Variants in PRKCA observed in about 807,000 individuals in gnomAD.
PRKCA encodes the protein protein kinase C alpha type.
PRKCA carries 27 observed loss-of-function variants against 87.0 expected under a neutral mutation model. That is an observed-to-expected ratio of 0.31 (90% CI 0.23 to 0.43). The LOEUF (loss-of-function observed/expected upper bound fraction) is 0.43, where lower values mean the gene tolerates loss of function less well. Among genes scored for constraint, PRKCA ranks in the 20% least tolerant of loss-of-function variants. The probability of loss-of-function intolerance (pLI) is 1.00; values close to 1 mark genes in which losing one functional copy is unlikely to be tolerated. For synonymous variants in PRKCA, 329 were observed against 311.1 expected (o/e 1.06, Z -0.61); for missense variants, 518 against 852.3 (o/e 0.61, Z 4.88).
intron 8 of PRKCA, among the ~76,000 whole-genome samples, chr17:66,731,534 T>G (rs1020389229): frequency 5.3e-5 from 8 of 152,004 alleles, no homozygotes; most frequent in African/African-American, 1.7e-4. Context: ...GCTGGGAGAC[T>G]CAGCCCACTC....
At chr17:66,548,840 G>T (rs983072930) in intron 3 of PRKCA, among the ~76,000 whole-genome samples, 6 of 151,084 alleles carry the variant, frequency 4.0e-5, no homozygotes, top group Non-Finnish European at 8.8e-5. Context: ...CTCTCTCTCT[G>T]TTGCCCAGGC....
chr17:66,696,381 A>T (rs966436251), intron 8 of PRKCA: 1 of 152,196 alleles, frequency 6.6e-6, no homozygotes, highest in Non-Finnish European at 1.5e-5. Flanking sequence ...ATGATCTTGG[A>T]TAAGTTCCTT....
chr17:66,586,522 T>A (rs1456478703), intron 3 of PRKCA, among the ~76,000 whole-genome samples: 1 of 152,134 alleles, frequency 6.6e-6, no homozygotes, highest in Non-Finnish European at 1.5e-5. Context: ...AGCTTCTCCA[T>A]CCTTTCAACC....
intron 2 of PRKCA, among the ~76,000 whole-genome samples, chr17:66,336,907 G>T (rs1279847743): frequency 6.6e-6 from 1 of 151,914 alleles, no homozygotes; most frequent in Admixed American, 6.6e-5. Flanking sequence ...TCCTGCCTCA[G>T]CCTCCCAAGT....
intron 2 of PRKCA, among the ~76,000 whole-genome samples, chr17:66,409,353 T>C (rs1000395637): frequency 6.6e-6 from 1 of 152,178 alleles, no homozygotes; most frequent in African/African-American, 2.4e-5. Flanking sequence ...ACAAGGCAGG[T>C]GACACCTCCT....
At chr17:66,352,987 G>T (rs1038097860) in intron 2 of PRKCA, among the ~76,000 whole-genome samples, 1 of 152,040 alleles carries the variant, frequency 6.6e-6, no homozygotes, top group Admixed American at 6.5e-5. Context: ...GTATTTCTTC[G>T]GTATCTGTTT....
chr17:66,619,688 A>C (rs567782249), intron 3 of PRKCA, among the ~76,000 whole-genome samples: 2 of 152,304 alleles, frequency 1.3e-5, no homozygotes, highest in South Asian at 2.1e-4. Flanking sequence ...AACTATGTGG[A>C]AACCGATCTC....
chr17:66,376,120 A>C (rs926995514), intron 2 of PRKCA, among the ~76,000 whole-genome samples: 1 of 152,186 alleles, frequency 6.6e-6, no homozygotes, highest in Non-Finnish European at 1.5e-5. Flanking sequence ...TGATGGAAAC[A>C]CTGTTTCCTA....
intron 2 of PRKCA, among the ~76,000 whole-genome samples, chr17:66,489,099 A>G (rs1006525930): frequency 1.3e-5 from 2 of 152,094 alleles, no homozygotes; most frequent in Non-Finnish European, 2.9e-5. Flanking sequence ...GTATTTAAAA[A>G]AAAGAATTCA....
At chr17:66,489,139 A>G (rs1916108303) in intron 2 of PRKCA, among the ~76,000 whole-genome samples, 2 of 151,984 alleles carry the variant, frequency 1.3e-5, no homozygotes, top group South Asian at 4.1e-4. Flanking sequence ...CTTCTCTTCT[A>G]AGCAAAGTCT....
intron 13 of PRKCA, among the ~76,000 whole-genome samples, chr17:66,745,259 G>T (rs778019027): frequency 6.6e-6 from 1 of 152,134 alleles, no homozygotes; most frequent in Non-Finnish European, 1.5e-5. Context: ...CATACACAGA[G>T]AATACTCTGT....
At chr17:66,577,572 A>G (rs755302506) in intron 3 of PRKCA, among the ~76,000 whole-genome samples, 10 of 152,188 alleles carry the variant, frequency 6.6e-5, no homozygotes, top group Non-Finnish European at 1.5e-4. Context: ...GGCCTGCTTC[A>G]GACCTAGAGC....
chr17:66,352,558 GTTTTTTTTTTTTT>G (rs56317931), intron 2 of PRKCA, among the ~76,000 whole-genome samples: 1 of 83,758 alleles, frequency 1.2e-5, no homozygotes, highest in South Asian at 5.3e-4. Flanking sequence ...GTTTTTTGAG[GTTTTTTTTTTTTT>G]TTTTTTTTTT....
intron 2 of PRKCA, among the ~76,000 whole-genome samples, chr17:66,407,692 A>T (rs1477961508): frequency 6.6e-6 from 1 of 152,062 alleles, no homozygotes; most frequent in Non-Finnish European, 1.5e-5. Flanking sequence ...ACTCTGAAAA[A>T]TGTTTTGCAT....
intron 5 of PRKCA, among the ~76,000 whole-genome samples, chr17:66,661,981 G>T (rs966848119): frequency 6.6e-6 from 1 of 152,190 alleles, no homozygotes; most frequent in East Asian, 1.9e-4. Flanking sequence ...TTTCTTTCAC[G>T]AGGAATTCCT....
chr17:66,372,285 C>T (rs973111371), intron 2 of PRKCA, among the ~76,000 whole-genome samples: 4 of 152,120 alleles, frequency 2.6e-5, no homozygotes, highest in African/African-American at 9.7e-5. Flanking sequence ...TTGACAATGG[C>T]AAAATTAGAA....
chr17:66,779,245 C>T (rs532593071), intron 14 of PRKCA, among the ~76,000 whole-genome samples: 1 of 152,278 alleles, frequency 6.6e-6, no homozygotes, highest in Non-Finnish European at 1.5e-5. Context: ...TAGTTTATTG[C>T]CATTTTCTTC....
At chr17:66,614,015 T>C (rs1196307064) in intron 3 of PRKCA, among the ~76,000 whole-genome samples, 1 of 152,148 alleles carries the variant, frequency 6.6e-6, no homozygotes, top group Non-Finnish European at 1.5e-5. Flanking sequence ...TGTCTTGAAC[T>C]CCTGGCTTCA....
At chr17:66,545,852 C>T (rs1968131938) in intron 3 of PRKCA, among the ~76,000 whole-genome samples, 1 of 152,186 alleles carries the variant, frequency 6.6e-6, no homozygotes, top group Non-Finnish European at 1.5e-5. Context: ...AAGTCATTTA[C>T]CATATTCATT....
Sources: gnomAD v4.1 joint callset for allele counts (sites outside exome capture counted in the v4.1 genomes callset) on GRCh38, gnomAD v4.1.1 for gene constraint, MANE v1.5 for transcripts, NCBI Gene and HGNC (gene_info 2026-07-23, HGNC 2026-07-21) for gene names.